The following SDF4 variants were observed in gnomAD, a reference collection of about 807,000 sequenced individuals.
SDF4 encodes the protein stromal cell derived factor 4.
A neutral mutation model predicts 34.2 loss-of-function variants in SDF4; 22 were observed. The ratio of observed to expected loss-of-function variants is 0.64; its 90% CI spans 0.46 to 0.92. The LOEUF (loss-of-function observed/expected upper bound fraction) is 0.92, where lower values mean the gene tolerates loss of function less well. Ranked by LOEUF, SDF4 falls within the 40% of genes least tolerant of loss-of-function variation. SDF4 has a pLI of 0.00. For missense variants in SDF4, 447 were observed against 499.9 expected (o/e 0.89, Z 1.01); for synonymous variants, 236 against 203.1 (o/e 1.16, Z -1.38).
rs373495846 is a variant in SDF4, at chr1:1,223,153, C to T, written c.556+91G>A. ...AGCACACGCACGGCACACTCATACA[C>T]GACACACACGGCACACTCATGTACA... On this transcript the variant is annotated intron_variant, in intron 4 of 6. Transcript: ENST00000360001. The T allele has an allele frequency of 1.0e-5, 9 of 881,730 alleles. No homozygotes were observed. In the East Asian group the frequency reaches 1.3e-4, roughly 12 times the overall value. 54.6% of individuals were successfully genotyped at this position (881,730 alleles called of 1,614,324 possible). A position where few individuals can be genotyped will look rare whatever the true frequency, so the allele number is the denominator to read the frequency against.
At position 1,223,877 on chromosome 1, in the gene SDF4, C is replaced by G. The variant is rs1557518484; in HGVS notation, c.397G>C (p.Glu133Gln). Reference protein sequence around the residue: ...KTAEHFQEAMEESKTHFRAVD... With the variant: ...KTAEHFQEAMQESKTHFRAVD... ...GCGCGGAAGTGTGTCTTGCTCTCCTCCATGGCCTCCTGGAAGTGCTCGGCC... is the reference window on the plus strand; with the variant it reads ...GCGCGGAAGTGTGTCTTGCTCTCCTGCATGGCCTCCTGGAAGTGCTCGGCC... Residue 133 changes from glutamate (E) to glutamine (Q), a missense_variant, in exon 3 of 7, where the codon GAG (glutamate) becomes CAG (glutamine). Glu to Gln is a conservative substitution (Grantham distance 29). Transcript: ENST00000360001. 1 of 1,608,468 alleles carries G rather than the reference C, an allele frequency of 6.2e-7. No homozygotes were observed. Among genetic ancestry groups the G allele is most frequent in the Non-Finnish European group, 8.5e-7 (1 of 1,179,500 alleles).
Position 1,228,826 on chromosome 1 carries a change from G to C in SDF4, c.-54C>G. The C allele has an allele frequency of 6.6e-7, 1 of 1,505,694 alleles. No individual in the cohort carries two copies. The highest frequency in any genetic ancestry group is 9.0e-7 in the Non-Finnish European group (1 of 1,115,908). 93.3% of individuals were successfully genotyped at this position (1,505,694 alleles called of 1,614,324 possible). A position where few individuals can be genotyped will look rare whatever the true frequency, so the allele number is the denominator to read the frequency against. ...GCTGCAGGGTGTGGGCCAGGTGCTGGGAGGGGCAGGGGCAGGGGCAGAGGA... is the reference window on the plus strand; with the variant it reads ...GCTGCAGGGTGTGGGCCAGGTGCTGCGAGGGGCAGGGGCAGGGGCAGAGGA... On this transcript the variant is annotated 5_prime_UTR_variant, in exon 2 of 7. Coordinates refer to ENST00000360001, the MANE Select transcript of SDF4 (RefSeq NM_016176.6).
Position 1,218,763 on chromosome 1 carries a change from C to A in SDF4, c.715+6G>T, listed in dbSNP as rs1483465440. 1 of 1,612,280 alleles carries A rather than the reference C, an allele frequency of 6.2e-7. No individual in the cohort carries two copies. Among genetic ancestry groups the A allele is most frequent in the Admixed American group, 1.7e-5 (1 of 59,996 alleles). On this transcript the variant is annotated splice_donor_region_variant and intron_variant, in intron 5 of 6. Coordinates refer to ENST00000360001, the MANE Select transcript of SDF4 (RefSeq NM_016176.6). The surrounding 1 kb of genome is among the most constrained non-coding windows in gnomAD (Gnocchi z 7.9). ...GGCGTGCCGGCCAGGCTGGACCCAG[C>A]CTCACCCAGGTCCCGGACGATCTCC...
rs1649625229 is a variant in SDF4 at position 1,217,894 on chromosome 1, G to A, written c.892-206C>T. 1 of 1,380,814 alleles carries A rather than the reference G, an allele frequency of 7.2e-7. No individual in the cohort carries two copies. Among genetic ancestry groups the A allele is most frequent in the Non-Finnish European group, 9.6e-7 (1 of 1,045,848 alleles). The allele number at this position is 1,380,814 out of a possible 1,614,324, so 85.5% of individuals were successfully genotyped here. On this transcript the variant is annotated intron_variant, in intron 6 of 6. Coordinates refer to ENST00000360001, the MANE Select transcript of SDF4 (RefSeq NM_016176.6). This position sits in a 1 kb window ranked among gnomAD's most constrained non-coding sequence, Gnocchi z 8.5. Reference sequence around the variant, plus strand: ...CGGAAGGCCTGCCCGGGGCCAGCAGGGGTAACGGGGCACAGGGGCTACACA... The same window carrying A: ...CGGAAGGCCTGCCCGGGGCCAGCAGAGGTAACGGGGCACAGGGGCTACACA...
At chr1:1,228,436 GC>G (rs1638380632) in intron 2 of SDF4, 31 bp downstream of exon 2, 3 of 1,568,618 alleles carry the variant, frequency 1.9e-6, no homozygotes, top group Non-Finnish European at 2.6e-6. Flanking sequence ...CACGCGGACA[GC>G]CCCCCAGTCT....
intron 1 of SDF4, 75 bp downstream of exon 1, chr1:1,231,817 G>C (rs1638511480): frequency 6.6e-6 from 1 of 152,004 alleles, no homozygotes; most frequent in South Asian, 2.1e-4. Flanking sequence ...GCGGCCTCCA[G>C]ACCCGCCCTC....
chr1:1,217,703 G>A lies in SDF4; in HGVS notation c.892-15C>T, dbSNP rs1056799347. ...TCCATGTAGCTCTGCGGGCGAGCGG[G>A]GCACAGGTCAGCGTCGCCTTTCCCC... On this transcript the variant is annotated splice_polypyrimidine_tract_variant and intron_variant, in intron 6 of 6. Coordinates refer to ENST00000360001, the MANE Select transcript of SDF4 (RefSeq NM_016176.6). The surrounding 1 kb of genome is among the most constrained non-coding windows in gnomAD (Gnocchi z 8.5). 1 of 1,613,394 alleles carries A rather than the reference G, an allele frequency of 6.2e-7. No individual in the cohort carries two copies.
At chr1:1,231,137 C>T (rs1488217284) in intron 1 of SDF4, among the ~76,000 whole-genome samples, 1 of 152,216 alleles carries the variant, frequency 6.6e-6, no homozygotes, top group Non-Finnish European at 1.5e-5. Flanking sequence ...CTATAAATAT[C>T]AGGAGTCCAT....
intron 4 of SDF4, chr1:1,220,351 C>T (rs573031459): frequency 3.0e-4 from 336 of 1,111,652 alleles, no homozygotes; most frequent in South Asian, 2.1e-3. Flanking sequence ...GCCTTCACCG[C>T]GGTCCCCAGA....
intron 2 of SDF4, among the ~76,000 whole-genome samples, chr1:1,226,619 T>C (rs1252183165): frequency 6.7e-6 from 1 of 149,292 alleles, no homozygotes; most frequent in Admixed American, 6.6e-5. Context: ...GGGACCCGCG[T>C]GTGGGAAGGG....
chr1:1,227,201 T>A (rs1395326003), intron 2 of SDF4: 1 of 153,788 alleles, frequency 6.5e-6, no homozygotes, highest in Non-Finnish European at 1.4e-5. Flanking sequence ...TCCTACCTGC[T>A]CCTGCACCCC....
chr1:1,220,493 G>A (rs569187710), intron 4 of SDF4: 57 of 1,198,164 alleles, frequency 4.8e-5, no homozygotes, highest in South Asian at 1.8e-4. Flanking sequence ...TCCAGGACCC[G>A]GCAGCTGCTC....
At position 1,217,335 on chromosome 1, in the gene SDF4, C is replaced by G; in HGVS notation, c.*177G>C. The G allele has an allele frequency of 2.6e-6, 1 of 384,364 alleles. No homozygotes were observed. Among genetic ancestry groups the G allele is most frequent in the Non-Finnish European group, 4.1e-6 (1 of 245,832 alleles). 23.8% of individuals were successfully genotyped at this position (384,364 alleles called of 1,614,324 possible). A position where few individuals can be genotyped will look rare whatever the true frequency, so the allele number is the denominator to read the frequency against. Reference sequence around the variant, plus strand: ...CCCGACCGCGTCACAGCCAAAGCCCCGCCGGGGTGCGCGCTGCAGAGGGGA... The same window carrying G: ...CCCGACCGCGTCACAGCCAAAGCCCGGCCGGGGTGCGCGCTGCAGAGGGGA... On this transcript the variant is annotated 3_prime_UTR_variant, in exon 7 of 7. Transcript: ENST00000360001. The surrounding 1 kb of genome is among the most constrained non-coding windows in gnomAD (Gnocchi z 8.5).
rs183274839 is a variant in SDF4, at chr1:1,221,309, G to A, written c.556+1935C>T. ...TCACTCGCGCCTGCAACCCCAGGAC[G>A]GGGGGAGGCCGAGCGGGTCACTTGA... On this transcript the variant is annotated intron_variant, in intron 4 of 6. Coordinates refer to ENST00000360001, the MANE Select transcript of SDF4 (RefSeq NM_016176.6). 154 of 157,158 alleles carry A rather than the reference G, an allele frequency of 9.8e-4. 2 individuals are homozygous for A. The highest frequency in any genetic ancestry group is 3.2e-3 in the African/African-American group (133 of 41,616). The allele number at this position is 157,158 out of a possible 1,614,324, so 9.7% of individuals were successfully genotyped here.
intron 4 of SDF4, chr1:1,219,915 C>T: frequency 1.0e-6 from 1 of 959,306 alleles, no homozygotes; most frequent in Non-Finnish European, 1.2e-6. Context: ...CCCATCTTAT[C>T]CCTTTCTGAA....
intron 1 of SDF4, among the ~76,000 whole-genome samples, chr1:1,231,079 T>G (rs1293781770): frequency 1.3e-5 from 2 of 152,162 alleles, no homozygotes; most frequent in East Asian, 3.8e-4. Flanking sequence ...AACAAAAAGA[T>G]AAGACCCTGT....
chr1:1,217,924 T>A lies in SDF4; in HGVS notation c.892-236A>T. ...ACGGGGCACAGGGGCTACACAGGCCTGGACCCCAGTTCTGAAGGATCCCTA... is the reference window on the plus strand; with the variant it reads ...ACGGGGCACAGGGGCTACACAGGCCAGGACCCCAGTTCTGAAGGATCCCTA... On this transcript the variant is annotated intron_variant, in intron 6 of 6. Coordinates refer to ENST00000360001, the MANE Select transcript of SDF4 (RefSeq NM_016176.6). This position sits in a 1 kb window ranked among gnomAD's most constrained non-coding sequence, Gnocchi z 8.5. The A allele has an allele frequency of 8.8e-7, 1 of 1,131,736 alleles. No homozygotes were observed. Among genetic ancestry groups the A allele is most frequent in the Non-Finnish European group, 1.2e-6 (1 of 828,632 alleles). The allele number at this position is 1,131,736 out of a possible 1,614,324, so 70.1% of individuals were successfully genotyped here. A position where few individuals can be genotyped will look rare whatever the true frequency, so the allele number is the denominator to read the frequency against.
Position 1,223,276 on chromosome 1 carries a change from C to T in SDF4, c.524G>A (p.Arg175Lys), listed in dbSNP as rs753437747. ...HSEKEVADAI[R>K]LNEELKVDEE... ...ATCCACTTTGAGTTCCTCGTTGAGC[C>T]TGATGGCGTCGGCAACCTCCTTCTC... is the stretch of plus-strand genomic sequence containing the variant. Residue 175 changes from arginine (R) to lysine (K), a missense_variant, in exon 4 of 7, where the codon AGG becomes AAG. Physicochemically the swap from Arg to Lys is conservative, Grantham distance 26. Coordinates refer to ENST00000360001, the MANE Select transcript of SDF4 (RefSeq NM_016176.6). The T allele has an allele frequency of 2.5e-6, 4 of 1,614,002 alleles. No individual in the cohort carries two copies. In the East Asian group the frequency reaches 8.9e-5, roughly 36 times the overall value.
chr1:1,223,983 A>C lies in SDF4; in HGVS notation c.306-15T>G. 1.2e-6 allele frequency: 2 copies of C among 1,608,532 alleles called. No homozygotes were observed. Among genetic ancestry groups the C allele is most frequent in the Non-Finnish European group, 1.7e-6 (2 of 1,179,394 alleles). On this transcript the variant is annotated splice_polypyrimidine_tract_variant and intron_variant, in intron 2 of 6. Transcript: ENST00000360001. ...TCACATCCACCCTGCAAGACAGCAA[A>C]TGGGCAGGTGGCCGTCAGACTGGGC... is the stretch of plus-strand genomic sequence containing the variant.
Sources: allele counts gnomAD v4.1 joint callset (sites outside exome capture counted in the v4.1 genomes callset), GRCh38; gene constraint gnomAD v4.1.1; non-coding constraint Gnocchi (gnomAD v3.1); transcripts MANE v1.5; gene names NCBI Gene and HGNC (gene_info 2026-07-23, HGNC 2026-07-21).